Variants in PCNX2 observed in about 807,000 individuals in gnomAD.
PCNX2 encodes pecanex-like protein 2.
A neutral mutation model predicts 223.8 loss-of-function variants in PCNX2; 168 were observed. The ratio of observed to expected loss-of-function variants is 0.75; its 90% CI spans 0.66 to 0.85. The LOEUF (loss-of-function observed/expected upper bound fraction) is 0.85, where lower values mean the gene tolerates loss of function less well. Ranked by LOEUF, PCNX2 falls within the 40% of genes least tolerant of loss-of-function variation. PCNX2 has a pLI of 0.00. For missense variants in PCNX2, 2,507 were observed against 2,675.5 expected, an observed-to-expected ratio of 0.94 and a Z score of 1.39; for synonymous variants, 1,006 against 1,052.6, an observed-to-expected ratio of 0.96 and a Z score of 0.86.
intron 12 of PCNX2, chr1:233,211,880 A>G (rs1681837401): frequency 2.2e-6 from 2 of 924,824 alleles, no homozygotes; most frequent in Non-Finnish European, 2.6e-6. Context: ...AGTTTTTTCA[A>G]AGGACTCTGG....
At chr1:233,103,157 T>C (rs1400660061) in intron 21 of PCNX2, among the ~76,000 whole-genome samples, 2 of 152,222 alleles carry the variant, frequency 1.3e-5, no homozygotes, top group East Asian at 1.9e-4. Flanking sequence ...TGTGAGTGCA[T>C]GGTAGGTGTA....
intron 28 of PCNX2, among the ~76,000 whole-genome samples, chr1:233,008,730 T>A (rs955843307): frequency 1.8e-4 from 28 of 152,180 alleles, no homozygotes; most frequent in African/African-American, 6.0e-4. Context: ...CAGCAACTCC[T>A]ATCGGAAAAG....
At chr1:233,262,291 C>CT in intron 2 of PCNX2, 126 bp from the exon 3 acceptor site, 2 of 1,231,738 alleles carry the variant, frequency 1.6e-6, no homozygotes, top group South Asian at 1.5e-5. Flanking sequence ...ACATATAAAT[C>CT]TTTTTTTGTT....
rs1454460876 is a variant in PCNX2, at chr1:232,986,236, G to A, written c.6096C>T (p.Leu2032=). The change falls in exon 33 of 34, where the codon CTC becomes CTT. Residue 2032 remains leucine, a synonymous_variant. Transcript: ENST00000258229. ...CGCTGGAAAAGCTCCTCTTGCCGAAGAGGAAGCTCAGGGTGGAGCTGGTGG... is the reference window on the plus strand; with the variant it reads ...CGCTGGAAAAGCTCCTCTTGCCGAAAAGGAAGCTCAGGGTGGAGCTGGTGG... ...GSSTSSTLSF[L]FGKRSFSSAL... The A allele has an allele frequency of 2.6e-6, 4 of 1,560,276 alleles. No individual in the cohort carries two copies. The African/African-American group carries it at 5.4e-5, about 21-fold the overall frequency.
At chr1:232,996,821 C>T (rs1001553597) in intron 32 of PCNX2, among the ~76,000 whole-genome samples, 1 of 152,170 alleles carries the variant, frequency 6.6e-6, no homozygotes. Flanking sequence ...TTCACCCTGA[C>T]AATGTAAATG....
chr1:233,289,595 G>A, intron 1 of PCNX2: 2 of 598,910 alleles, frequency 3.3e-6, no homozygotes, highest in Non-Finnish European at 5.9e-6. Context: ...AGACATTCAG[G>A]TAAATTATGG....
chr1:233,322,106 T>C, the PCNX2 span, among the ~76,000 whole-genome samples: 1 of 152,158 alleles, frequency 6.6e-6, no homozygotes, highest in Non-Finnish European at 1.5e-5. Context: ...AATACATATA[T>C]AAAAGAGCAA....
At chr1:233,118,827 G>A (rs1385093470) in intron 21 of PCNX2, among the ~76,000 whole-genome samples, 1 of 152,128 alleles carries the variant, frequency 6.6e-6, no homozygotes, top group African/African-American at 2.4e-5. Context: ...ATCTCAGCAA[G>A]TATGTTTTTT....
At chr1:233,136,289 A>G (rs770811691) in intron 20 of PCNX2, among the ~76,000 whole-genome samples, 16 of 152,260 alleles carry the variant, frequency 1.1e-4, no homozygotes, top group Non-Finnish European at 1.6e-4. Flanking sequence ...AACTGGGGCC[A>G]TGCCTCAATT....
rs370120614 is a variant in PCNX2, at chr1:233,119,628, C to A, written c.3837+15385G>T. On this transcript the variant is annotated intron_variant, in intron 21 of 33. Transcript: ENST00000258229. ...ACAAAAACAAAACAAAACAAAAAAACGAAAAAATGGCTTAGGAAACAAACA... is the reference window on the plus strand; with the variant it reads ...ACAAAAACAAAACAAAACAAAAAAAAGAAAAAATGGCTTAGGAAACAAACA... 8.8e-5 allele frequency among the ~76,000 whole-genome samples: 13 copies of A among 147,544 alleles called. No individual in the cohort carries two copies. The East Asian group carries it at 2.2e-3, about 25-fold the overall frequency.
chr1:233,171,546 G>C (rs1239248871), intron 17 of PCNX2, among the ~76,000 whole-genome samples: 10 of 152,102 alleles, frequency 6.6e-5, no homozygotes, highest in Admixed American at 6.5e-4. Context: ...CTTGATAAGG[G>C]AGCTTGCAGC....
intron 17 of PCNX2, among the ~76,000 whole-genome samples, chr1:233,161,609 A>AGT (rs910172372): frequency 1.4e-4 from 21 of 152,138 alleles, no homozygotes; most frequent in African/African-American, 5.1e-4. Context: ...CTGCAAGGTT[A>AGT]GTGTCTGGGT....
At chr1:233,182,287 G>A (rs1679846052) in intron 15 of PCNX2, among the ~76,000 whole-genome samples, 1 of 152,158 alleles carries the variant, frequency 6.6e-6, no homozygotes. Flanking sequence ...ACAGTCTCCT[G>A]ATCCTTGTGT....
At chr1:233,122,141 T>C (rs1675839416) in intron 21 of PCNX2, among the ~76,000 whole-genome samples, 1 of 149,464 alleles carries the variant, frequency 6.7e-6, no homozygotes, top group Admixed American at 6.7e-5. Flanking sequence ...CAGAGAGACA[T>C]GGGATTATAT....
At chr1:233,003,720 C>T (rs1381667270) in intron 28 of PCNX2, among the ~76,000 whole-genome samples, 1 of 152,154 alleles carries the variant, frequency 6.6e-6, no homozygotes, top group Non-Finnish European at 1.5e-5. Flanking sequence ...TACTGCAGCG[C>T]TATTCACAAC....
At chr1:233,076,167 T>C (rs1673088232) in intron 23 of PCNX2, among the ~76,000 whole-genome samples, 1 of 152,234 alleles carries the variant, frequency 6.6e-6, no homozygotes, top group Non-Finnish European at 1.5e-5. Flanking sequence ...TTTCGACTTC[T>C]GGCTGTTACA....
At position 233,253,329 on chromosome 1, in the gene PCNX2, TTTTG is replaced by T. The variant is rs547211712; in HGVS notation, c.1835-545_1835-542del. 1.7e-4 allele frequency among the ~76,000 whole-genome samples: 26 copies of T among 152,108 alleles called. No individual in the cohort carries two copies. In the South Asian group the frequency reaches 2.1e-3, roughly 12 times the overall value. ...AAGTATAGCTGGGGGCGGGGGTTGT[TTTTG>T]TTTGTTTGTTTGTTTGAGACAGGGT... On this transcript the variant is annotated intron_variant, in intron 5 of 33. Transcript: ENST00000258229. The surrounding 1 kb of genome is among the most constrained non-coding windows in gnomAD (Gnocchi z 4.2).
At chr1:233,295,756 C>T (rs537644700), upstream of PCNX2, 241 of 337,298 alleles carry the variant, frequency 7.1e-4, 1 homozygote, top group African/African-American at 4.9e-3. This position sits in a 1 kb window ranked among gnomAD's most constrained non-coding sequence, Gnocchi z 4.1. Context: ...TCAGAGGCGG[C>T]TGCTCAGAGG....
chr1:233,111,903 G>A (rs1675137869), intron 21 of PCNX2, among the ~76,000 whole-genome samples: 1 of 152,210 alleles, frequency 6.6e-6, no homozygotes, highest in Admixed American at 6.5e-5. Context: ...AGTTCATCAA[G>A]CGCATAGGCT....
Sources: gnomAD v4.1 joint callset for allele counts (sites outside exome capture counted in the v4.1 genomes callset) on GRCh38, gnomAD v4.1.1 for gene constraint, Gnocchi (gnomAD v3.1) non-coding constraint, MANE v1.5 for transcripts, NCBI Gene and HGNC (gene_info 2026-07-23, HGNC 2026-07-21) for gene names.